MICU3: variants seen among roughly 807,000 people sequenced by gnomAD.
MICU3 encodes the protein calcium uptake protein 3, mitochondrial.
MICU3 carries 62 observed loss-of-function variants against 66.5 expected under a neutral mutation model. The observed-to-expected ratio is 0.93, with a 90% CI of 0.76 to 1.15. The LOEUF (loss-of-function observed/expected upper bound fraction) is 1.15. MICU3 is among the 50% of genes most tolerant of loss of function. The probability of loss-of-function intolerance (pLI) is 0.00; values close to 1 mark genes in which losing one functional copy is unlikely to be tolerated. For synonymous variants in MICU3, 308 were observed against 240.7 expected, an observed-to-expected ratio of 1.28 and a Z score of -2.59; for missense variants, 779 against 664.4, an observed-to-expected ratio of 1.17 and a Z score of -1.90.
intron 5 of MICU3, among the ~76,000 whole-genome samples, chr8:17,083,536 C>T (rs1027540201): frequency 1.3e-5 from 2 of 152,098 alleles, no homozygotes; most frequent in Admixed American, 6.6e-5. Flanking sequence ...CAAGAAGCAA[C>T]TGAATGAACA....
intron 1 of MICU3, among the ~76,000 whole-genome samples, chr8:17,043,186 G>A (rs375004656): frequency 1.2e-3 from 178 of 151,922 alleles, no homozygotes; most frequent in African/African-American, 3.9e-3. Flanking sequence ...TGATCCGCCC[G>A]CCTCGGCCTC....
chr8:17,082,726 T>G (rs1214767055), intron 5 of MICU3, among the ~76,000 whole-genome samples: 1 of 152,142 alleles, frequency 6.6e-6, no homozygotes, highest in Non-Finnish European at 1.5e-5. Flanking sequence ...AGAACATCAG[T>G]AAAACTCTGT....
At chr8:17,092,127 C>T (rs766420054) in intron 8 of MICU3, among the ~76,000 whole-genome samples, 7 of 152,042 alleles carry the variant, frequency 4.6e-5, no homozygotes, top group Non-Finnish European at 8.8e-5. Flanking sequence ...CCACCCACCT[C>T]GGCCTCCCAA....
chr8:17,065,924 A>G (rs911581290), intron 2 of MICU3, among the ~76,000 whole-genome samples: 22 of 152,212 alleles, frequency 1.4e-4, no homozygotes, highest in Admixed American at 1.4e-3. Flanking sequence ...AGATTTTAAC[A>G]AGAAACTATG....
chr8:17,112,301 T>C (rs760588918), intron 11 of MICU3, among the ~76,000 whole-genome samples: 2 of 152,334 alleles, frequency 1.3e-5, no homozygotes, highest in Non-Finnish European at 2.9e-5. Context: ...ATTGTTTTAT[T>C]TTTGTTAGCA....
intron 1 of MICU3, among the ~76,000 whole-genome samples, chr8:17,041,540 A>G (rs1341484679): frequency 6.6e-6 from 1 of 152,188 alleles, no homozygotes; most frequent in Non-Finnish European, 1.5e-5. Context: ...AGCCATATCA[A>G]GAATTTGTCT....
intron 1 of MICU3, among the ~76,000 whole-genome samples, chr8:17,032,295 T>C (rs375054791): frequency 2.1e-4 from 32 of 152,326 alleles, no homozygotes; most frequent in African/African-American, 7.2e-4. Flanking sequence ...AAAGAGATGA[T>C]TCTGATTAGA....
chr8:17,044,843 A>G (rs981340980), intron 1 of MICU3, among the ~76,000 whole-genome samples: 24 of 152,208 alleles, frequency 1.6e-4, no homozygotes, highest in Non-Finnish European at 1.2e-4. Flanking sequence ...GGAGACCTGA[A>G]TGAAAATCAT....
intron 14 of MICU3, among the ~76,000 whole-genome samples, chr8:17,120,010 C>T (rs1055696090): frequency 5.9e-5 from 9 of 152,074 alleles, no homozygotes; most frequent in African/African-American, 1.2e-4. Flanking sequence ...GTAGTGTTCC[C>T]GACCGACTTG....
chr8:17,135,340 G>C, the MICU3 span, among the ~76,000 whole-genome samples: 8 of 151,834 alleles, frequency 5.3e-5, no homozygotes, highest in Non-Finnish European at 1.2e-4. Flanking sequence ...GGAACTTGTA[G>C]TGAGCTGAGA....
At chr8:17,043,878 A>G (rs1026032434) in intron 1 of MICU3, among the ~76,000 whole-genome samples, 1 of 152,234 alleles carries the variant, frequency 6.6e-6, no homozygotes, top group Non-Finnish European at 1.5e-5. Context: ...ACTTTGATTC[A>G]ATATTGTAAA....
chr8:17,034,094 T>G (rs192801589), intron 1 of MICU3, among the ~76,000 whole-genome samples: 76 of 152,248 alleles, frequency 5.0e-4, no homozygotes, highest in African/African-American at 1.8e-3. Context: ...GCTGGTGACT[T>G]GAAGTTGAAG....
At chr8:17,053,060 T>TG (rs1284816150) in intron 1 of MICU3, among the ~76,000 whole-genome samples, 1 of 152,170 alleles carries the variant, frequency 6.6e-6, no homozygotes, top group Non-Finnish European at 1.5e-5. Flanking sequence ...AAATTTTGAA[T>TG]AAAACAAATG....
intron 2 of MICU3, among the ~76,000 whole-genome samples, chr8:17,068,073 T>G (rs1448568197): frequency 6.6e-6 from 1 of 152,096 alleles, no homozygotes; most frequent in Non-Finnish European, 1.5e-5. Context: ...TATATTAAAT[T>G]TTTCAGACAT....
the MICU3 span, among the ~76,000 whole-genome samples, chr8:17,136,726 A>T: frequency 5.3e-5 from 8 of 151,854 alleles, no homozygotes; most frequent in Non-Finnish European, 1.0e-4. Context: ...GGCATACGTG[A>T]CCCAGAAAGT....
chr8:17,083,208 C>G (rs1296018617), intron 5 of MICU3, among the ~76,000 whole-genome samples: 1 of 151,976 alleles, frequency 6.6e-6, no homozygotes, highest in Admixed American at 6.6e-5. Context: ...ACCACAAGAC[C>G]AGATGAGCCA....
At chr8:17,089,557 A>G (rs1037579244) in intron 7 of MICU3, among the ~76,000 whole-genome samples, 2 of 152,082 alleles carry the variant, frequency 1.3e-5, no homozygotes, top group Admixed American at 6.6e-5. Flanking sequence ...AATTTAACTT[A>G]TTGTGAAAAT....
At chr8:17,086,898 A>G (rs1213364514) in intron 6 of MICU3, 66 bp from the exon 7 acceptor site, 2 of 1,025,840 alleles carry the variant, frequency 1.9e-6, no homozygotes, top group East Asian at 4.9e-5. Context: ...TACCTAGTCC[A>G]GAATAGTAGA....
intron 8 of MICU3, among the ~76,000 whole-genome samples, chr8:17,092,987 A>G (rs1266025236): frequency 6.6e-6 from 1 of 152,058 alleles, no homozygotes; most frequent in East Asian, 1.9e-4. Context: ...CTATGGAGAT[A>G]GAGACTCTGT....
Sources: allele counts gnomAD v4.1 joint callset (sites outside exome capture counted in the v4.1 genomes callset), GRCh38; gene constraint gnomAD v4.1.1; transcripts MANE v1.5; gene names NCBI Gene and HGNC (gene_info 2026-07-23, HGNC 2026-07-21).